Variants in TTC7A observed in about 807,000 individuals in gnomAD.
The protein encoded by TTC7A is tetratricopeptide repeat domain 7A, also known as tetratricopeptide repeat protein 7A.
In TTC7A, 110 loss-of-function variants were observed where a neutral mutation model predicts 103.7. The ratio of observed to expected loss-of-function variants is 1.06; its 90% CI spans 0.91 to 1.24. TTC7A has a LOEUF of 1.24. Among genes scored for constraint, TTC7A ranks in the 50% most tolerant of loss-of-function variants. TTC7A has a pLI of 0.00. For synonymous variants in TTC7A, 521 were observed against 467.9 expected (o/e 1.11, Z -1.47); for missense variants, 1,340 against 1,116.3 (o/e 1.20, Z -2.86).
intron 16 of TTC7A, among the ~76,000 whole-genome samples, chr2:47,048,269 C>T (rs1353047472): frequency 6.6e-6 from 1 of 152,202 alleles, no homozygotes. Context: ...TAAGGTTCTT[C>T]AAGGTAGGGA....
At chr2:46,976,398 G>T (rs1287773405) in intron 4 of TTC7A, among the ~76,000 whole-genome samples, 1 of 152,232 alleles carries the variant, frequency 6.6e-6, no homozygotes, top group African/African-American at 2.4e-5. Context: ...CTGTGGAAAA[G>T]ATAATTTAAC....
intron 15 of TTC7A, among the ~76,000 whole-genome samples, chr2:47,045,034 G>A (rs919107134): frequency 3.3e-5 from 5 of 152,222 alleles, no homozygotes; most frequent in African/African-American, 1.2e-4. Context: ...ACCCTCAGGT[G>A]GGCTGGTAGA....
intron 2 of TTC7A, among the ~76,000 whole-genome samples, chr2:46,935,265 C>T (rs903406613): frequency 5.9e-5 from 9 of 152,080 alleles, no homozygotes; most frequent in South Asian, 2.1e-4. Flanking sequence ...AACTGTTCCT[C>T]CCCACACTCT....
chr2:47,032,855 T>C (rs1384120193), intron 15 of TTC7A, among the ~76,000 whole-genome samples: 1 of 73,734 alleles, frequency 1.4e-5, no homozygotes, highest in Non-Finnish European at 2.6e-5. Context: ...TCTGTTGTTT[T>C]AAGCAAAAAA....
chr2:46,993,344 T>C (rs2104380503), intron 5 of TTC7A, 106 bp from the exon 6 acceptor site: 1 of 1,062,220 alleles, frequency 9.4e-7, no homozygotes, highest in East Asian at 2.4e-5. Flanking sequence ...TGTGTTCAAA[T>C]AAAACTCCAG....
chr2:47,069,571 A>AGT (rs2103621365), intron 19 of TTC7A, among the ~76,000 whole-genome samples: 1 of 152,246 alleles, frequency 6.6e-6, no homozygotes, highest in Admixed American at 6.5e-5. Flanking sequence ...ACATCAGGGA[A>AGT]GTAGGACCCT....
intron 14 of TTC7A, among the ~76,000 whole-genome samples, chr2:47,027,962 A>G (rs1402498056): frequency 6.6e-6 from 1 of 152,102 alleles, no homozygotes; most frequent in African/African-American, 2.4e-5. Flanking sequence ...CCCTGTCAGG[A>G]GTGCGCAGGC....
chr2:47,016,714 A>G (rs939805216), intron 11 of TTC7A, among the ~76,000 whole-genome samples: 2 of 152,234 alleles, frequency 1.3e-5, no homozygotes, highest in Admixed American at 6.5e-5. Context: ...CTACAGAGCC[A>G]CCAGCTGTTA....
intron 5 of TTC7A, among the ~76,000 whole-genome samples, chr2:46,987,498 G>A (rs922990323): frequency 1.3e-5 from 2 of 152,138 alleles, no homozygotes; most frequent in African/African-American, 4.8e-5. Context: ...AATGTGAGCG[G>A]ACTCTGCTCC....
chr2:47,003,268 C>T (rs777483072), intron 8 of TTC7A, among the ~76,000 whole-genome samples: 17 of 152,170 alleles, frequency 1.1e-4, no homozygotes, highest in Admixed American at 6.5e-4. Context: ...GTGAACCAGA[C>T]GGGGGCATGT....
rs373368143 is a variant in TTC7A at position 47,006,329 on chromosome 2, T to A, written c.1203+270T>A. Among the ~76,000 whole-genome samples, 11 of 152,350 alleles carry A rather than the reference T, an allele frequency of 7.2e-5. No individual in the cohort carries two copies. In the East Asian group the frequency reaches 1.3e-3, roughly 19 times the overall value. The stretch of plus-strand genomic sequence containing the variant: ...TAATAATAAATGTTCGCTGCTATTT[T>A]TATTACATGTCTACGTTTTGAAAGC... On this transcript the variant is annotated intron_variant, in intron 9 of 19. Coordinates refer to ENST00000319190, the MANE Select transcript of TTC7A (RefSeq NM_020458.4).
intron 5 of TTC7A, among the ~76,000 whole-genome samples, chr2:46,980,656 C>T (rs1434256529): frequency 6.6e-6 from 1 of 152,102 alleles, no homozygotes; most frequent in Non-Finnish European, 1.5e-5. Flanking sequence ...TGATCTGGGC[C>T]CTGGCTGGGG....
chr2:47,051,681 G>A (rs1682867595), intron 17 of TTC7A, 65 bp from the exon 18 acceptor site: 2 of 1,530,924 alleles, frequency 1.3e-6, no homozygotes, highest in Non-Finnish European at 1.8e-6. Context: ...GGCAATGACT[G>A]CTCCTGGGGC....
chr2:47,005,110 G>C (rs1013746709), intron 8 of TTC7A, among the ~76,000 whole-genome samples: 56 of 152,320 alleles, frequency 3.7e-4, no homozygotes, highest in African/African-American at 1.2e-3. Flanking sequence ...GAAATCCTCG[G>C]CGCTGGACGC....
chr2:46,972,566 C>G (rs569957368), intron 3 of TTC7A, among the ~76,000 whole-genome samples: 1 of 152,196 alleles, frequency 6.6e-6, no homozygotes, highest in African/African-American at 2.4e-5. Context: ...TTTTATTGGC[C>G]CAGATTAGGC....
intron 2 of TTC7A, among the ~76,000 whole-genome samples, chr2:46,956,356 G>C (rs1189231097): frequency 6.6e-6 from 1 of 152,138 alleles, no homozygotes; most frequent in Admixed American, 6.5e-5. Context: ...GGTCCTCACA[G>C]GCTGTTTCTA....
intron 1 of TTC7A, among the ~76,000 whole-genome samples, chr2:46,945,888 G>A (rs1214706994): frequency 1.3e-5 from 2 of 152,234 alleles, no homozygotes; most frequent in African/African-American, 4.8e-5. Context: ...AGTCCTGGGA[G>A]GTGAGCAGCT....
intron 1 of TTC7A, chr2:46,917,105 C>G (rs898406070): frequency 5.8e-6 from 4 of 690,776 alleles, no homozygotes; most frequent in South Asian, 4.6e-5. Context: ...CTTTTCCCAC[C>G]TTCATCTGAG....
At chr2:46,975,695 AT>A (rs961854523) in intron 4 of TTC7A, among the ~76,000 whole-genome samples, 1 of 149,528 alleles carries the variant, frequency 6.7e-6, no homozygotes, top group African/African-American at 2.5e-5. Flanking sequence ...ATTTTTATGT[AT>A]TTTTTTACTT....
Sources: gnomAD v4.1 joint callset for allele counts (sites outside exome capture counted in the v4.1 genomes callset) on GRCh38, gnomAD v4.1.1 for gene constraint, MANE v1.5 for transcripts, NCBI Gene and HGNC (gene_info 2026-07-23, HGNC 2026-07-21) for gene names.